Variants in TCAIM observed in about 807,000 individuals in gnomAD.
The protein encoded by TCAIM is T cell activation inhibitor, mitochondrial, also known as T-cell activation inhibitor, mitochondrial.
In TCAIM, 36 loss-of-function variants were observed where a neutral mutation model predicts 58.6. The observed-to-expected ratio is 0.61, with a 90% CI of 0.47 to 0.81. The LOEUF is 0.81. Ranked by LOEUF, TCAIM falls within the 30% of genes least tolerant of loss-of-function variation. TCAIM has a pLI of 0.00. For synonymous variants in TCAIM, 172 were observed against 193.6 expected (o/e 0.89, Z 0.93); for missense variants, 466 against 579.6 (o/e 0.80, Z 2.01).
chr3:44,397,255 A>G (rs1221834842), intron 8 of TCAIM, among the ~76,000 whole-genome samples: 2 of 152,216 alleles, frequency 1.3e-5, no homozygotes, highest in Admixed American at 6.5e-5. Flanking sequence ...GTATCCAACA[A>G]CTGGGCATAT....
At chr3:44,345,635 AGAGT>A (rs967481149) in intron 1 of TCAIM, among the ~76,000 whole-genome samples, 1 of 152,096 alleles carries the variant, frequency 6.6e-6, no homozygotes, top group Admixed American at 6.5e-5. Flanking sequence ...CGGCTAGGAG[AGAGT>A]GAGTGAGATT....
Position 44,367,476 on chromosome 3 carries a change from A to G in TCAIM, c.340A>G (p.Thr114Ala), listed in dbSNP as rs971966302. The G allele has an allele frequency of 3.7e-6, 6 of 1,610,704 alleles. No homozygotes were observed. The highest frequency in any genetic ancestry group is 5.1e-6 in the Non-Finnish European group (6 of 1,177,548). ...TCTAGGATTTCGAGCAGTCAAATTT[A>G]CTTTGCACACCAGAGATCTGCTAAG... Reference protein sequence around the residue: ...STSGFRAVKFTLHTRDLLSTV... With the variant: ...STSGFRAVKFALHTRDLLSTV... The change falls in exon 5 of 11, where the codon ACT becomes GCT. Residue 114 changes from threonine (T) to alanine (A), a missense_variant. Thr to Ala is a moderately conservative substitution (Grantham distance 58). Coordinates refer to ENST00000342649, the MANE Select transcript of TCAIM (RefSeq NM_173826.4).
At chr3:44,349,210 G>A (rs1490959249) in intron 1 of TCAIM, among the ~76,000 whole-genome samples, 1 of 152,140 alleles carries the variant, frequency 6.6e-6, no homozygotes, top group Admixed American at 6.6e-5. Context: ...GAGTCACATT[G>A]GAAGCAGAGA....
chr3:44,398,103 A>G lies in TCAIM; in HGVS notation c.885+1269A>G, dbSNP rs573991517. The stretch of plus-strand genomic sequence containing the variant: ...CATGAAATGACATGTTGCCAAAGAG[A>G]ACGTACAGATGACATGTAAGCACAT... On this transcript the variant is annotated intron_variant, in intron 8 of 10. Coordinates refer to ENST00000342649, the MANE Select transcript of TCAIM (RefSeq NM_173826.4). Among the ~76,000 whole-genome samples the G allele has an allele frequency of 9.2e-5, 14 of 152,158 alleles. No homozygotes were observed. The South Asian group carries it at 2.5e-3, about 27-fold the overall frequency.
chr3:44,391,945 CT>C (rs1334334968), intron 5 of TCAIM, among the ~76,000 whole-genome samples: 2 of 152,160 alleles, frequency 1.3e-5, no homozygotes, highest in Non-Finnish European at 2.9e-5. Context: ...CTTTTTAGCT[CT>C]ATTATAATAT....
chr3:44,400,336 C>G lies in TCAIM; in HGVS notation c.886-19C>G. On this transcript the variant is annotated intron_variant, in intron 8 of 10. Transcript: ENST00000342649. ...GTAACATAAAACTAATTATTTCTTTCCCTTTGTTAACACTGTAGCTTTTTG... is the reference window on the plus strand; with the variant it reads ...GTAACATAAAACTAATTATTTCTTTGCCTTTGTTAACACTGTAGCTTTTTG... 6.4e-7 allele frequency: 1 copy of G among 1,567,022 alleles called. No individual in the cohort carries two copies. The highest frequency in any genetic ancestry group is 1.1e-5 in the South Asian group (1 of 87,066).
intron 10 of TCAIM, among the ~76,000 whole-genome samples, chr3:44,404,634 T>TA: frequency 6.6e-6 from 1 of 152,110 alleles, no homozygotes; most frequent in Non-Finnish European, 1.5e-5. Context: ...CCTGCCCTAG[T>TA]AAGACACCTT....
intron 5 of TCAIM, among the ~76,000 whole-genome samples, chr3:44,385,786 C>G (rs970139580): frequency 1.8e-4 from 27 of 152,004 alleles, no homozygotes; most frequent in African/African-American, 6.5e-4. Flanking sequence ...TTACCTTCAC[C>G]TGACCTGTTA....
At chr3:44,354,840 G>C in intron 2 of TCAIM, 29 bp downstream of exon 2, 4 of 1,604,042 alleles carry the variant, frequency 2.5e-6, no homozygotes, top group Non-Finnish European at 3.4e-6. Context: ...TCTGTAATTA[G>C]TATTGTGGCG....
intron 5 of TCAIM, among the ~76,000 whole-genome samples, chr3:44,379,741 G>A (rs1343623461): frequency 1.3e-5 from 2 of 152,056 alleles, no homozygotes; most frequent in African/African-American, 4.8e-5. Flanking sequence ...GGGAGAGAGA[G>A]GGGAAGGGTG....
chr3:44,387,495 C>A (rs143335908), intron 5 of TCAIM, among the ~76,000 whole-genome samples: 1 of 152,252 alleles, frequency 6.6e-6, no homozygotes, highest in East Asian at 1.9e-4. Context: ...GGAACCACCA[C>A]GTTCCTCAGT....
rs1032003042 is a variant in TCAIM at position 44,387,754 on chromosome 3, C to T, written c.573-5101C>T. 3.3e-5 allele frequency among the ~76,000 whole-genome samples: 5 copies of T among 152,200 alleles called. No homozygotes were observed. In the South Asian group the frequency reaches 8.3e-4, roughly 25 times the overall value. On this transcript the variant is annotated intron_variant, in intron 5 of 10. Coordinates refer to ENST00000342649, the MANE Select transcript of TCAIM (RefSeq NM_173826.4). ...GTGGGCAGAATGAGCCCAGTGGGCCCGAGCCAAACTCAGGCAAAGACACTA... is the reference window on the plus strand; with the variant it reads ...GTGGGCAGAATGAGCCCAGTGGGCCTGAGCCAAACTCAGGCAAAGACACTA...
rs531552216 is a variant in TCAIM, at chr3:44,346,644, C to G, written c.-45+7810C>G. On this transcript the variant is annotated intron_variant, in intron 1 of 10. Coordinates refer to ENST00000342649, the MANE Select transcript of TCAIM (RefSeq NM_173826.4). ...AAGAGGCACGCTAGCGGCTTGTAAT[C>G]TACATGGAAGTTATGAGAATTGTAG... 6.5e-4 allele frequency among the ~76,000 whole-genome samples: 99 copies of G among 152,202 alleles called. 1 individual carries two copies. The highest frequency in any genetic ancestry group is 2.1e-3 in the African/African-American group (88 of 41,540).
intron 8 of TCAIM, among the ~76,000 whole-genome samples, chr3:44,399,047 G>A (rs917291010): frequency 4.6e-5 from 7 of 152,194 alleles, no homozygotes; most frequent in Non-Finnish European, 8.8e-5. Flanking sequence ...TGCTATAAAC[G>A]GGATCCCTGT....
intron 3 of TCAIM, among the ~76,000 whole-genome samples, chr3:44,360,945 T>C (rs1243694165): frequency 5.3e-5 from 8 of 152,190 alleles, no homozygotes; most frequent in Admixed American, 5.2e-4. Flanking sequence ...GAAATATTTA[T>C]CAAAAAATAA....
intron 6 of TCAIM, among the ~76,000 whole-genome samples, chr3:44,394,907 AAAAAAAAAAAAAAAATATATATAT>A (rs1559581756): frequency 2.0e-5 from 1 of 50,550 alleles, no homozygotes; most frequent in Non-Finnish European, 3.7e-5. Context: ...AAAAAAAAAA[AAAAAAAAAAAAAAAATATATATAT>A]ATATATATAT....
At chr3:44,358,294 A>G in intron 3 of TCAIM, 1 of 970,130 alleles carries the variant, frequency 1.0e-6, no homozygotes, top group Non-Finnish European at 1.6e-6. Flanking sequence ...CCCCTACAAC[A>G]TCAGTTAATG....
chr3:44,363,485 A>T (rs111435673), intron 4 of TCAIM, among the ~76,000 whole-genome samples: 9 of 152,240 alleles, frequency 5.9e-5, no homozygotes, highest in African/African-American at 2.2e-4. Context: ...CTTTGAATAA[A>T]TAAGATGGTG....
intron 1 of TCAIM, among the ~76,000 whole-genome samples, chr3:44,352,823 C>T (rs1701117832): frequency 6.6e-6 from 1 of 152,082 alleles, no homozygotes; most frequent in African/African-American, 2.4e-5. Context: ...TCTTTTTATA[C>T]TGTCTTCAGA....
Sources: allele counts gnomAD v4.1 joint callset (sites outside exome capture counted in the v4.1 genomes callset), GRCh38; gene constraint gnomAD v4.1.1; transcripts MANE v1.5; gene names NCBI Gene and HGNC (gene_info 2026-07-23, HGNC 2026-07-21).